The following POU2F2 variants were observed in gnomAD, a reference collection of about 807,000 sequenced individuals.
The protein encoded by POU2F2 is POU domain, class 2, transcription factor 2.
POU2F2 carries 14 observed loss-of-function variants against 63.5 expected under a neutral mutation model. That is an observed-to-expected ratio of 0.22 (90% CI 0.15 to 0.34). POU2F2 has a LOEUF of 0.34. Ranked by LOEUF, POU2F2 falls within the 10% of genes least tolerant of loss-of-function variation. The pLI is 1.00. For missense variants in POU2F2, 607 were observed against 815.2 expected, an observed-to-expected ratio of 0.74 and a Z score of 3.11; for synonymous variants, 306 against 348.6, an observed-to-expected ratio of 0.88 and a Z score of 1.36.
chr19:42,194,080 T>C (rs1371241018), intron 1 of POU2F2, among the ~76,000 whole-genome samples: 1 of 152,054 alleles, frequency 6.6e-6, no homozygotes. Context: ...TATCACTGAG[T>C]GATGAAAAAC....
chr19:42,105,565 G>C (rs994588747), intron 5 of POU2F2, among the ~76,000 whole-genome samples: 14 of 152,134 alleles, frequency 9.2e-5, no homozygotes, highest in Admixed American at 8.5e-4. Context: ...AGGTGTCTGT[G>C]GGTTTCGTTC....
At position 42,093,009 on chromosome 19, in the gene POU2F2, A is replaced by AT. The variant is rs1201422267; in HGVS notation, c.1265-740dup. ...TGTGTATATATATATATATATATAT[A>AT]TTTTTTTTTTTTTTTTTTTTGAGAT... On this transcript the variant is annotated intron_variant, in intron 12 of 14. Coordinates refer to ENST00000692977, the MANE Select transcript of POU2F2 (RefSeq NM_001394376.1). 2.4e-3 allele frequency among the ~76,000 whole-genome samples: 111 copies of AT among 47,178 alleles called. 2 individuals carry two copies. Among genetic ancestry groups the AT allele is most frequent in the Admixed American group, 7.4e-3 (26 of 3,508 alleles). The allele number at this position is 47,178 out of a possible 152,430, so 31.0% of individuals were successfully genotyped here.
chr19:42,116,625 G>A (rs904492154), intron 5 of POU2F2: 1 of 258,288 alleles, frequency 3.9e-6, no homozygotes, highest in African/African-American at 2.3e-5. Flanking sequence ...CAGTCCATGT[G>A]GACCAGTCAG....
chr19:42,131,562 T>G (rs2146722321), intron 1 of POU2F2, among the ~76,000 whole-genome samples: 1 of 152,326 alleles, frequency 6.6e-6, no homozygotes, highest in African/African-American at 2.4e-5. Flanking sequence ...GCCATCACCA[T>G]ACAGACATAT....
intron 2 of POU2F2, among the ~76,000 whole-genome samples, chr19:42,140,896 TGGA>T (rs1342562684): frequency 2.0e-5 from 3 of 152,164 alleles, no homozygotes; most frequent in Non-Finnish European, 2.9e-5. Flanking sequence ...CAAACCCAAG[TGGA>T]TATGGTGCCT....
rs375520440 is a variant in POU2F2 at position 42,141,661 on chromosome 19, G to A, written c.-9+18671C>T. On this transcript the variant is annotated intron_variant, in intron 2 of 6. Transcript: ENST00000524801. The stretch of plus-strand genomic sequence containing the variant: ...CACACCTGGCTAATTTTGTATTTTA[G>A]TAGAGACGGGGTTTCTCCATGTTGG... 9.2e-5 allele frequency among the ~76,000 whole-genome samples: 14 copies of A among 151,822 alleles called. No individual in the cohort carries two copies. The South Asian group carries it at 2.9e-3, about 32-fold the overall frequency.
At chr19:42,120,113 G>A (rs546586485) in intron 4 of POU2F2, among the ~76,000 whole-genome samples, 8 of 151,816 alleles carry the variant, frequency 5.3e-5, no homozygotes, top group Non-Finnish European at 8.8e-5. Context: ...GTCTCACTAT[G>A]TTGCCCAGGC....
At chr19:42,139,820 G>C (rs1295587063) in intron 2 of POU2F2, among the ~76,000 whole-genome samples, 1 of 152,206 alleles carries the variant, frequency 6.6e-6, no homozygotes, top group African/African-American at 2.4e-5. Context: ...TTGACAAATA[G>C]GGAGGTAAAG....
chr19:42,132,544 T>G, upstream of POU2F2: 2 of 816,294 alleles, frequency 2.5e-6, no homozygotes, highest in Non-Finnish European at 3.5e-6. Flanking sequence ...GAAGGGAAAA[T>G]ACCCTGGCCC....
chr19:42,160,556 T>C (rs1392276320), intron 1 of POU2F2, among the ~76,000 whole-genome samples: 1 of 152,206 alleles, frequency 6.6e-6, no homozygotes, highest in Non-Finnish European at 1.5e-5. Context: ...AGTCAGCCAC[T>C]TGTTGCCTTC....
At chr19:42,149,451 CA>C (rs2034297840) in intron 2 of POU2F2, among the ~76,000 whole-genome samples, 1 of 151,898 alleles carries the variant, frequency 6.6e-6, no homozygotes, top group Admixed American at 6.6e-5. Context: ...ATGTGGGGCG[CA>C]GGCAGGGTAG....
At chr19:42,110,638 G>A in intron 5 of POU2F2, 3 of 437,728 alleles carry the variant, frequency 6.9e-6, no homozygotes, top group South Asian at 4.9e-5. Flanking sequence ...TTGTTATGGA[G>A]AGACCTGGGC....
chr19:42,123,464 C>T (rs1413599676), intron 1 of POU2F2, among the ~76,000 whole-genome samples: 1 of 152,162 alleles, frequency 6.6e-6, no homozygotes, highest in Non-Finnish European at 1.5e-5. Flanking sequence ...GGCGAGTGCT[C>T]ACCAGTGCCA....
chr19:42,132,704 T>C, upstream of POU2F2: 1 of 377,424 alleles, frequency 2.6e-6, no homozygotes, highest in Non-Finnish European at 4.7e-6. Flanking sequence ...CCCCGACTTC[T>C]GTCGCCCCCA....
intron 5 of POU2F2, among the ~76,000 whole-genome samples, chr19:42,108,755 CCAGT>C: frequency 6.6e-6 from 1 of 152,246 alleles, no homozygotes; most frequent in East Asian, 1.9e-4. Flanking sequence ...TCAGAGCACA[CCAGT>C]CAGAGGGTGG....
rs1225397920 is a variant in POU2F2 at position 42,152,589 on chromosome 19, A to T, written c.-9+7743T>A. ...GCTTCCTTTTCCCGGAGCCGCACCC[A>T]GGTCCCCCACCATCATGTACCCCTT... On this transcript the variant is annotated intron_variant, in intron 2 of 6. Coordinates refer to the POU2F2 transcript ENST00000524801. The surrounding 1 kb of genome is among the most constrained non-coding windows in gnomAD (Gnocchi z 4.1). 6.6e-6 allele frequency: 1 copy of T among 152,414 alleles called. No individual in the cohort carries two copies. The highest frequency in any genetic ancestry group is 2.4e-5 in the African/African-American group (1 of 41,202). The allele number at this position is 152,414 out of a possible 1,614,324, so 9.4% of individuals were successfully genotyped here.
At chr19:42,111,557 T>G (rs571941236) in intron 5 of POU2F2, among the ~76,000 whole-genome samples, 6 of 152,172 alleles carry the variant, frequency 3.9e-5, no homozygotes, top group Non-Finnish European at 7.3e-5. Flanking sequence ...ATGTCCAAAA[T>G]GAAACTGCTG....
intron 12 of POU2F2, among the ~76,000 whole-genome samples, chr19:42,093,285 T>G (rs1249328837): frequency 2.6e-5 from 4 of 151,790 alleles, no homozygotes; most frequent in Non-Finnish European, 4.4e-5. Flanking sequence ...GCAGGGATTA[T>G]AGGCATAAGC....
At chr19:42,099,935 T>C (rs1328849671) in intron 5 of POU2F2, 114 bp from the exon 6 acceptor site, 2 of 812,198 alleles carry the variant, frequency 2.5e-6, no homozygotes, top group East Asian at 2.7e-5. Flanking sequence ...CACATGGCGA[T>C]CTGGCACTGG....
Sources: gnomAD v4.1 joint callset for allele counts (sites outside exome capture counted in the v4.1 genomes callset) on GRCh38, gnomAD v4.1.1 for gene constraint, Gnocchi (gnomAD v3.1) non-coding constraint, MANE v1.5 for transcripts, NCBI Gene and HGNC (gene_info 2026-07-23, HGNC 2026-07-21) for gene names.